PTPRD: variants seen among roughly 807,000 people sequenced by gnomAD.
PTPRD encodes the protein receptor-type tyrosine-protein phosphatase delta.
In PTPRD, 34 loss-of-function variants were observed where a neutral mutation model predicts 214.5. The observed-to-expected ratio is 0.16, with a 90% confidence interval of 0.12 to 0.21. PTPRD has a LOEUF of 0.21. Among genes scored for constraint, PTPRD ranks in the 10% least tolerant of loss-of-function variants. The probability of loss-of-function intolerance (pLI) is 1.00; values close to 1 mark genes in which losing one functional copy is unlikely to be tolerated. For synonymous variants in PTPRD, 1,128 were observed against 845.7 expected (o/e 1.33, Z -5.79); for missense variants, 2,545 against 2,398.7 (o/e 1.06, Z -1.27).
rs138138247 is a variant in PTPRD at position 9,495,419 on chromosome 9, G to C, written c.-237+79313C>G. Among the ~76,000 whole-genome samples, 602 of 151,744 alleles carry C rather than the reference G, an allele frequency of 4.0e-3. 1 individual carries two copies. The highest frequency in any genetic ancestry group is 0.014 in the African/African-American group (566 of 41,374). On this transcript the variant is annotated intron_variant, in intron 8 of 45. Transcript: ENST00000381196. ...CCTGTTTTCCCACTCTCTCCCAATT[G>C]GTTCTTTCTGAATAATGCCTTTTTA...
intron 8 of PTPRD, among the ~76,000 whole-genome samples, chr9:9,458,571 A>C (rs2093320646): frequency 1.3e-5 from 2 of 152,030 alleles, no homozygotes; most frequent in South Asian, 4.1e-4. Context: ...CTTAAAAAAA[A>C]TCATGAGTTG....
rs150916407 is a variant in PTPRD, at chr9:8,703,767, T to C, written c.64+30013A>G. Among the ~76,000 whole-genome samples the C allele has an allele frequency of 3.1e-3, 465 of 152,268 alleles. 3 individuals carry two copies. The highest frequency in any genetic ancestry group is 0.011 in the African/African-American group (457 of 41,560). ...TATGCTAGCGACTTCCAAGAGAATA[T>C]CCCCAGCCCAGTTTTCTGAGTTCTG... On this transcript the variant is annotated intron_variant, in intron 12 of 45. Coordinates refer to ENST00000381196, the MANE Select transcript of PTPRD (RefSeq NM_002839.4).
At chr9:9,946,286 T>C (rs2092545023) in intron 4 of PTPRD, among the ~76,000 whole-genome samples, 1 of 152,166 alleles carries the variant, frequency 6.6e-6, no homozygotes, top group Admixed American at 6.6e-5. Flanking sequence ...TACTTGCTTA[T>C]TTAATGAATG....
At chr9:9,023,757 G>T (rs547220316) in intron 10 of PTPRD, among the ~76,000 whole-genome samples, 10 of 151,970 alleles carry the variant, frequency 6.6e-5, no homozygotes, top group Non-Finnish European at 1.5e-4. Flanking sequence ...AGAAAATGAG[G>T]TATTTGGTTT....
At chr9:9,098,456 C>T (rs1217714655) in intron 10 of PTPRD, among the ~76,000 whole-genome samples, 1 of 152,066 alleles carries the variant, frequency 6.6e-6, no homozygotes, top group African/African-American at 2.4e-5. Flanking sequence ...ACCATGTTGG[C>T]CAGTCTGGTG....
chr9:8,329,107 G>C (rs1365471199), intron 44 of PTPRD, among the ~76,000 whole-genome samples: 3 of 152,058 alleles, frequency 2.0e-5, no homozygotes, highest in East Asian at 3.9e-4. Flanking sequence ...AGGAGAAGAG[G>C]CGTGCTGGTT....
chr9:8,537,617 T>A (rs79748522), intron 14 of PTPRD, among the ~76,000 whole-genome samples: 1 of 151,978 alleles, frequency 6.6e-6, no homozygotes, highest in African/African-American at 2.4e-5. Context: ...CATGCAGGAA[T>A]AGAAAATTGG....
chr9:10,577,732 G>A (rs1006322269), intron 2 of PTPRD, among the ~76,000 whole-genome samples: 10 of 152,044 alleles, frequency 6.6e-5, no homozygotes, highest in African/African-American at 2.4e-4. Flanking sequence ...AATCAACATA[G>A]AACTTAAGAT....
At chr9:8,349,214 T>C (rs945739393) in intron 39 of PTPRD, among the ~76,000 whole-genome samples, 1 of 152,140 alleles carries the variant, frequency 6.6e-6, no homozygotes, top group South Asian at 2.1e-4. Flanking sequence ...CAACCTGTGC[T>C]TATGCTTCAC....
intron 10 of PTPRD, among the ~76,000 whole-genome samples, chr9:9,068,265 G>C (rs2099738169): frequency 6.6e-6 from 1 of 152,040 alleles, no homozygotes; most frequent in Non-Finnish European, 1.5e-5. Context: ...GGACATCTGG[G>C]CTGCTTACAG....
chr9:9,171,357 T>C (rs924530589), intron 10 of PTPRD, among the ~76,000 whole-genome samples: 26 of 149,538 alleles, frequency 1.7e-4, no homozygotes, highest in African/African-American at 6.1e-4. Flanking sequence ...ATAAATATAA[T>C]TAGATTATAT....
chr9:9,045,425 G>A (rs1198783624), intron 10 of PTPRD, among the ~76,000 whole-genome samples: 2 of 148,378 alleles, frequency 1.3e-5, no homozygotes, highest in Admixed American at 6.6e-5. Flanking sequence ...GTGGGTGAAG[G>A]GTCGGGGGTT....
intron 3 of PTPRD, among the ~76,000 whole-genome samples, chr9:10,108,960 G>C (rs60541640): frequency 5.3e-5 from 8 of 151,356 alleles, no homozygotes; most frequent in South Asian, 2.1e-4. Context: ...AGATTCCCTC[G>C]CTTGAAAACC....
intron 2 of PTPRD, among the ~76,000 whole-genome samples, chr9:10,409,641 C>A (rs1183533199): frequency 1.3e-5 from 2 of 151,782 alleles, no homozygotes; most frequent in Non-Finnish European, 2.9e-5. Context: ...TAAAACATGA[C>A]CACATCATAC....
At chr9:9,095,095 A>G (rs868457636) in intron 10 of PTPRD, among the ~76,000 whole-genome samples, 7 of 152,196 alleles carry the variant, frequency 4.6e-5, no homozygotes, top group South Asian at 2.1e-4. Context: ...ATTAAAAAAC[A>G]TGCTTGCTAA....
At chr9:8,992,123 T>A (rs75750444) in intron 11 of PTPRD, among the ~76,000 whole-genome samples, 1,610 of 152,214 alleles carry the variant, frequency 0.011, 31 homozygotes, top group African/African-American at 0.035. Context: ...TGATGTCTGA[T>A]GATACTATTA....
chr9:9,324,950 T>C (rs1016594290), intron 9 of PTPRD, among the ~76,000 whole-genome samples: 36 of 152,312 alleles, frequency 2.4e-4, no homozygotes, highest in South Asian at 4.1e-4. Flanking sequence ...AAATAGGGAA[T>C]CCTTTCCCCA....
chr9:10,202,548 T>A (rs1214383620), intron 3 of PTPRD, among the ~76,000 whole-genome samples: 1 of 145,960 alleles, frequency 6.9e-6, no homozygotes, highest in Non-Finnish European at 1.5e-5. Context: ...TTTCAACATG[T>A]GCATTTCTTC....
At chr9:9,663,901 T>G (rs971530397) in intron 7 of PTPRD, among the ~76,000 whole-genome samples, 3 of 151,446 alleles carry the variant, frequency 2.0e-5, no homozygotes, top group African/African-American at 4.8e-5. Flanking sequence ...ACTAGTGTGG[T>G]AGCTGGATTT....
Sources: gnomAD v4.1 joint callset for allele counts (sites outside exome capture counted in the v4.1 genomes callset) on GRCh38, gnomAD v4.1.1 for gene constraint, MANE v1.5 for transcripts, NCBI Gene and HGNC (gene_info 2026-07-23, HGNC 2026-07-21) for gene names.